Variants in ADGRL3 observed in about 807,000 individuals in gnomAD.
ADGRL3 encodes calcium-independent alpha-latrotoxin receptor 3.
In ADGRL3, 62 loss-of-function variants were observed where a neutral mutation model predicts 153.5. The observed-to-expected ratio is 0.40, with a 90% CI of 0.33 to 0.50. The LOEUF (loss-of-function observed/expected upper bound fraction) is 0.50. Ranked by LOEUF, ADGRL3 falls within the 20% of genes least tolerant of loss-of-function variation. The pLI is 0.47. For synonymous variants in ADGRL3, 710 were observed against 672.5 expected (o/e 1.06, Z -0.86); for missense variants, 1,641 against 1,859.4 (o/e 0.88, Z 2.16).
At chr4:61,676,087 C>G (rs534455551) in intron 5 of ADGRL3, among the ~76,000 whole-genome samples, 15 of 151,910 alleles carry the variant, frequency 9.9e-5, no homozygotes, top group Admixed American at 8.5e-4. Context: ...ACATGATAAC[C>G]TCCAGTTCCA....
intron 2 of ADGRL3, among the ~76,000 whole-genome samples, chr4:61,494,284 G>A (rs954607085): frequency 2.6e-5 from 4 of 151,952 alleles, no homozygotes; most frequent in South Asian, 2.1e-4. Context: ...GTGTATGCAC[G>A]TGTATGTGTA....
At chr4:61,933,454 C>G (rs899893754) in intron 13 of ADGRL3, among the ~76,000 whole-genome samples, 2 of 152,004 alleles carry the variant, frequency 1.3e-5, no homozygotes, top group African/African-American at 4.8e-5. Context: ...GCTAAGCACA[C>G]TATATGAAAA....
chr4:61,757,064 T>C (rs1006192949), intron 8 of ADGRL3, among the ~76,000 whole-genome samples: 1 of 152,198 alleles, frequency 6.6e-6, no homozygotes, highest in Non-Finnish European at 1.5e-5. Flanking sequence ...TCATCAGAGA[T>C]ATTGGTCTAA....
chr4:61,571,217 A>G (rs985672242), intron 4 of ADGRL3, among the ~76,000 whole-genome samples: 1 of 151,936 alleles, frequency 6.6e-6, no homozygotes, highest in Non-Finnish European at 1.5e-5. Flanking sequence ...GCTCATGCTC[A>G]TAATCTCAGC....
chr4:61,528,270 C>T (rs552899449), intron 4 of ADGRL3, among the ~76,000 whole-genome samples: 1 of 152,184 alleles, frequency 6.6e-6, no homozygotes, highest in South Asian at 2.1e-4. Flanking sequence ...CTATTCTTCT[C>T]TCTTTTCTCT....
chr4:61,453,678 T>C (rs529718579), intron 2 of ADGRL3, among the ~76,000 whole-genome samples: 1 of 152,278 alleles, frequency 6.6e-6, no homozygotes, highest in Admixed American at 6.5e-5. Context: ...TATAAATCCA[T>C]GTTCGTTCCT....
rs1400490506 is a variant in ADGRL3 at position 61,775,418 on chromosome 4, G to GTGTT, written c.1400-38388_1400-38387insTTGT. ...TTTCTTTCTTTGTGTGTGTGTGTGT[G>GTGTT]TGTGTGTGTGTGTGCCAAAGATTTA... On this transcript the variant is annotated intron_variant, in intron 8 of 26. Transcript: ENST00000683033. 4.5e-6 allele frequency: 3 copies of GTGTT among 673,912 alleles called. No individual in the cohort carries two copies. The African/African-American group carries it at 5.3e-5, about 12-fold the overall frequency. 41.7% of individuals were successfully genotyped at this position (673,912 alleles called of 1,614,324 possible). A position where few individuals can be genotyped will look rare whatever the true frequency, so the allele number is the denominator to read the frequency against.
chr4:61,413,714 ATT>A (rs1010882083), intron 2 of ADGRL3, among the ~76,000 whole-genome samples: 7 of 152,008 alleles, frequency 4.6e-5, no homozygotes, highest in African/African-American at 1.7e-4. Flanking sequence ...ATGTTGCCAG[ATT>A]TTTCTGCTCC....
chr4:61,574,963 C>T (rs2098862722), intron 4 of ADGRL3, among the ~76,000 whole-genome samples: 1 of 151,484 alleles, frequency 6.6e-6, no homozygotes, highest in African/African-American at 2.4e-5. Flanking sequence ...TTTACAGCTG[C>T]TTTCTCGGGA....
At chr4:61,212,023 A>C (rs1166743198) in intron 1 of ADGRL3, 2 of 152,196 alleles carry the variant, frequency 1.3e-5, no homozygotes, top group African/African-American at 4.8e-5. Context: ...CATTCAGATG[A>C]ACAAAATCCC....
At chr4:61,666,954 A>G (rs1229188382) in intron 5 of ADGRL3, among the ~76,000 whole-genome samples, 1 of 152,200 alleles carries the variant, frequency 6.6e-6, no homozygotes, top group Non-Finnish European at 1.5e-5. Flanking sequence ...GTGAAAGATT[A>G]CAGCTTAGAA....
intron 17 of ADGRL3, among the ~76,000 whole-genome samples, chr4:61,952,613 C>T (rs182581026): frequency 2.6e-5 from 4 of 152,176 alleles, no homozygotes; most frequent in African/African-American, 9.6e-5. Context: ...TTACCTGTGT[C>T]AGCACAGTTT....
chr4:61,694,179 A>ATTTTTTTTTTTTTTTTT (rs554084495), intron 6 of ADGRL3, among the ~76,000 whole-genome samples: 7 of 26,668 alleles, frequency 2.6e-4, no homozygotes, highest in Non-Finnish European at 4.3e-4. Flanking sequence ...TTTTGTCATT[A>ATTTTTTTTTTTTTTTTT]TTTTTTTTTT....
rs376082170 is a variant in ADGRL3 at position 61,951,695 on chromosome 4, C to T, written c.2805+3419C>T. ...AGCCTCGGCAACATGGCAGAACTCC[C>T]TCTCCACTAAAATACAAAAATTAGC... is the stretch of plus-strand genomic sequence containing the variant. On this transcript the variant is annotated intron_variant, in intron 17 of 26. Transcript: ENST00000683033. 1.2e-3 allele frequency among the ~76,000 whole-genome samples: 178 copies of T among 151,940 alleles called. 1 individual carries two copies. The highest frequency in any genetic ancestry group is 4.2e-3 in the African/African-American group (172 of 41,434).
intron 8 of ADGRL3, among the ~76,000 whole-genome samples, chr4:61,767,815 GT>G (rs1346577482): frequency 1.3e-5 from 2 of 152,170 alleles, no homozygotes; most frequent in East Asian, 3.9e-4. Context: ...GCGTTTGGAA[GT>G]TCTTGTGTGC....
At chr4:61,346,196 T>C (rs2095900555) in intron 1 of ADGRL3, among the ~76,000 whole-genome samples, 1 of 151,884 alleles carries the variant, frequency 6.6e-6, no homozygotes, top group Non-Finnish European at 1.5e-5. Flanking sequence ...AGCCCAAATG[T>C]TCTAGTCCAG....
intron 4 of ADGRL3, among the ~76,000 whole-genome samples, chr4:61,562,504 A>G (rs1257329283): frequency 6.6e-6 from 1 of 152,196 alleles, no homozygotes; most frequent in Non-Finnish European, 1.5e-5. Flanking sequence ...AACTAAGTTT[A>G]TGCAATGTTC....
chr4:61,716,948 T>C (rs1011225075), intron 6 of ADGRL3, among the ~76,000 whole-genome samples: 9 of 152,112 alleles, frequency 5.9e-5, no homozygotes, highest in Non-Finnish European at 1.0e-4. Flanking sequence ...ATCTCTCTTC[T>C]TCTGTAAAAT....
At chr4:62,035,436 CT>C in intron 23 of ADGRL3, among the ~76,000 whole-genome samples, 1 of 152,118 alleles carries the variant, frequency 6.6e-6, no homozygotes, top group Admixed American at 6.6e-5. Context: ...TTCAAATACC[CT>C]TTCTCATCTA....
Sources: gnomAD v4.1 joint callset for allele counts (sites outside exome capture counted in the v4.1 genomes callset) on GRCh38, gnomAD v4.1.1 for gene constraint, MANE v1.5 for transcripts, NCBI Gene and HGNC (gene_info 2026-07-23, HGNC 2026-07-21) for gene names.